The following GALNT15 variants were observed in gnomAD, a reference collection of about 807,000 sequenced individuals.
GALNT15 encodes the protein polypeptide N-acetylgalactosaminyltransferase 15.
In GALNT15, 67 loss-of-function variants were observed where a neutral mutation model predicts 66.8. The observed-to-expected ratio is 1.00, with a 90% CI of 0.82 to 1.23. The LOEUF (loss-of-function observed/expected upper bound fraction) is 1.23. GALNT15 is among the 50% of genes most tolerant of loss of function. GALNT15 has a pLI of 0.00. For missense variants in GALNT15, 827 were observed against 804.3 expected, an observed-to-expected ratio of 1.03 and a Z score of -0.34; for synonymous variants, 313 against 311.5, an observed-to-expected ratio of 1.00 and a Z score of -0.05.
At position 16,188,119 on chromosome 3, in the gene GALNT15, C is replaced by T. The variant is rs1164710118; in HGVS notation, c.540-7641C>T. ...TCCAGGGCATGTGGCACATCTAGCACATCTAGCCTCACGCTCTTCCCCCCA... is the reference window on the plus strand; with the variant it reads ...TCCAGGGCATGTGGCACATCTAGCATATCTAGCCTCACGCTCTTCCCCCCA... On this transcript the variant is annotated intron_variant, in intron 1 of 9. Coordinates refer to ENST00000339732, the MANE Select transcript of GALNT15 (RefSeq NM_054110.5). This position sits in a 1 kb window ranked among gnomAD's most constrained non-coding sequence, Gnocchi z 4.6. Among the ~76,000 whole-genome samples the T allele has an allele frequency of 2.0e-5, 3 of 152,142 alleles. No individual in the cohort carries two copies. Among genetic ancestry groups the T allele is most frequent in the Non-Finnish European group, 4.4e-5 (3 of 68,020 alleles).
the GALNT15 span, among the ~76,000 whole-genome samples, chr3:16,242,891 G>A: frequency 1.3e-5 from 2 of 152,200 alleles, no homozygotes; most frequent in Non-Finnish European, 2.9e-5. This position sits in a 1 kb window ranked among gnomAD's most constrained non-coding sequence, Gnocchi z 5.6. Context: ...GCAAGGCCTT[G>A]GATGCAGGTG....
chr3:16,200,641 C>T lies in GALNT15; in HGVS notation c.729C>T (p.Ser243=), dbSNP rs764567497. 1.1e-5 allele frequency: 18 copies of T among 1,574,664 alleles called. No individual in the cohort carries two copies. Among genetic ancestry groups the T allele is most frequent in the South Asian group, 2.4e-5 (2 of 84,242 alleles). The change falls in exon 3 of 10, where the codon AGC becomes AGT. Residue 243 remains serine, a synonymous_variant. Coordinates refer to ENST00000339732, the MANE Select transcript of GALNT15 (RefSeq NM_054110.5). The surrounding 1 kb of genome is among the most constrained non-coding windows in gnomAD (Gnocchi z 4.4). ...SQQGQLKSAL[S]EYVARLEGVK... ...CAGGACAACTCAAGTCTGCTCTCAG[C>T]GAATATGTGGCCAGGCTGGAGGGGG... is the stretch of plus-strand genomic sequence containing the variant.
chr3:16,235,773 A>C (rs2124917721), downstream of GALNT15, among the ~76,000 whole-genome samples: 1 of 152,274 alleles, frequency 6.6e-6, no homozygotes, highest in East Asian at 1.9e-4. Context: ...ACAAAGAGGA[A>C]AAGAGCAGCC....
chr3:16,186,290 A>C lies in GALNT15; in HGVS notation c.540-9470A>C, dbSNP rs547673480. On this transcript the variant is annotated intron_variant, in intron 1 of 9. Transcript: ENST00000339732. This position sits in a 1 kb window ranked among gnomAD's most constrained non-coding sequence, Gnocchi z 5.1. ...GGATGGCTGAAGTAAAAGACAGTGC[A>C]AGTGCTGACAAGGATGTGGAGAAAT... Among the ~76,000 whole-genome samples the C allele has an allele frequency of 3.9e-5, 6 of 152,344 alleles. No homozygotes were observed. The highest frequency in any genetic ancestry group is 2.1e-4 in the South Asian group (1 of 4,826).
At chr3:16,238,877 G>C in the GALNT15 span, among the ~76,000 whole-genome samples, 1 of 152,278 alleles carries the variant, frequency 6.6e-6, no homozygotes, top group Admixed American at 6.5e-5. The surrounding 1 kb of genome is among the most constrained non-coding windows in gnomAD (Gnocchi z 4.8). Flanking sequence ...CAACTCCCAG[G>C]GGCTTAAGAA....
downstream of GALNT15, among the ~76,000 whole-genome samples, chr3:16,235,166 A>C (rs1479843275): frequency 6.6e-6 from 1 of 152,030 alleles, no homozygotes; most frequent in Non-Finnish European, 1.5e-5. Flanking sequence ...CTCATGATCC[A>C]CCTGCCTTGG....
intron 3 of GALNT15, among the ~76,000 whole-genome samples, chr3:16,206,635 T>C (rs1359854546): frequency 7.6e-6 from 1 of 132,328 alleles, no homozygotes; most frequent in Non-Finnish European, 1.5e-5. Context: ...ATCACGCCAC[T>C]GCCCTCCAGC....
At chr3:16,220,900 T>A (rs145185372) in intron 8 of GALNT15, among the ~76,000 whole-genome samples, 3 of 152,292 alleles carry the variant, frequency 2.0e-5, no homozygotes, top group Non-Finnish European at 4.4e-5. Flanking sequence ...CCATCCGGCC[T>A]CCTTTGGCTC....
In GALNT15 at chr3:16,204,967, G is replaced by T. The variant is rs985500426; in HGVS notation, c.912-3536G>T. 6.6e-6 allele frequency among the ~76,000 whole-genome samples: 1 copy of T among 152,204 alleles called. No individual in the cohort carries two copies. Among genetic ancestry groups the T allele is most frequent in the Non-Finnish European group, 1.5e-5 (1 of 68,020 alleles). Reference sequence around the variant, plus strand: ...CATGTGCGTGCGTGTGTGTGTGCGCGCGCATGTGCGCGTCAAGGAGCAGCA... The same window carrying T: ...CATGTGCGTGCGTGTGTGTGTGCGCTCGCATGTGCGCGTCAAGGAGCAGCA... On this transcript the variant is annotated intron_variant, in intron 3 of 9. Coordinates refer to ENST00000339732, the MANE Select transcript of GALNT15 (RefSeq NM_054110.5). This position sits in a 1 kb window ranked among gnomAD's most constrained non-coding sequence, Gnocchi z 4.5.
chr3:16,228,401 G>A lies in GALNT15; in HGVS notation c.*901G>A. ...CATGCCTGTAATTCCAGCACTTTGG[G>A]AGGCAGAGTTGGGAGGATCACCTGA... On this transcript the variant is annotated 3_prime_UTR_variant, in exon 10 of 10. Transcript: ENST00000339732. The A allele has an allele frequency of 1.1e-6, 1 of 929,976 alleles. No individual in the cohort carries two copies. Among genetic ancestry groups the A allele is most frequent in the Non-Finnish European group, 1.3e-6 (1 of 779,214 alleles). The allele number at this position is 929,976 out of a possible 1,614,324, so 57.6% of individuals were successfully genotyped here. A position where few individuals can be genotyped will look rare whatever the true frequency, so the allele number is the denominator to read the frequency against.
Position 16,219,884 on chromosome 3 carries a change from A to C in GALNT15, c.1525-26A>C. The stretch of plus-strand genomic sequence containing the variant: ...GTCTTTACAGTGGAATCTGGAATTC[A>C]CTCCTGTGTGTGTGTCCACTTTCAG... On this transcript the variant is annotated intron_variant, in intron 7 of 9. Coordinates refer to ENST00000339732, the MANE Select transcript of GALNT15 (RefSeq NM_054110.5). The surrounding 1 kb of genome is among the most constrained non-coding windows in gnomAD (Gnocchi z 4.3). 1 of 1,576,000 alleles carries C rather than the reference A, an allele frequency of 6.3e-7. No individual in the cohort carries two copies. The highest frequency in any genetic ancestry group is 1.1e-5 in the South Asian group (1 of 90,024).
At chr3:16,207,836 A>AG (rs1468492144) in intron 3 of GALNT15, among the ~76,000 whole-genome samples, 4 of 152,202 alleles carry the variant, frequency 2.6e-5, no homozygotes. Flanking sequence ...TGAATCTCAA[A>AG]GGGATCAAGC....
At chr3:16,207,031 T>C (rs2124880123) in intron 3 of GALNT15, among the ~76,000 whole-genome samples, 1 of 152,344 alleles carries the variant, frequency 6.6e-6, no homozygotes, top group South Asian at 2.1e-4. Flanking sequence ...AGAGGGATTA[T>C]GTTCCCTTTG....
At position 16,211,424 on chromosome 3, in the gene GALNT15, G is replaced by A. The variant is rs775047396; in HGVS notation, c.1197+183G>A. Among the ~76,000 whole-genome samples, 1 of 152,164 alleles carries A rather than the reference G, an allele frequency of 6.6e-6. No homozygotes were observed. Among genetic ancestry groups the A allele is most frequent in the Non-Finnish European group, 1.5e-5 (1 of 68,028 alleles). On this transcript the variant is annotated intron_variant, in intron 5 of 9. Coordinates refer to ENST00000339732, the MANE Select transcript of GALNT15 (RefSeq NM_054110.5). The surrounding 1 kb of genome is among the most constrained non-coding windows in gnomAD (Gnocchi z 4.3). ...CACAGTTTCCCATCTCTCCTGTGCT[G>A]TAGCTTGGTTTCACTCTCAGTGCCT...
chr3:16,242,946 G>A, the GALNT15 span, among the ~76,000 whole-genome samples: 1 of 152,132 alleles, frequency 6.6e-6, no homozygotes, highest in Non-Finnish European at 1.5e-5. This position sits in a 1 kb window ranked among gnomAD's most constrained non-coding sequence, Gnocchi z 5.6. Flanking sequence ...GAGAGAGAGG[G>A]AAGAGTAAGA....
intron 3 of GALNT15, among the ~76,000 whole-genome samples, chr3:16,202,588 G>C (rs1343685897): frequency 6.6e-6 from 1 of 152,234 alleles, no homozygotes; most frequent in Admixed American, 6.5e-5. Flanking sequence ...AGCCAAGATC[G>C]TGCTACTGCA....
chr3:16,229,236 G>A lies in GALNT15; in HGVS notation c.*1736G>A. The A allele has an allele frequency of 1.0e-6, 1 of 985,286 alleles. No individual in the cohort carries two copies. 61.0% of individuals were successfully genotyped at this position (985,286 alleles called of 1,614,324 possible). A position where few individuals can be genotyped will look rare whatever the true frequency, so the allele number is the denominator to read the frequency against. On this transcript the variant is annotated 3_prime_UTR_variant, in exon 10 of 10. Transcript: ENST00000339732. ...CTACCTGCTAAGTCAAGGGTTCACT[G>A]CATTTCTCCTTCCTCAGAATACACT...
intron 6 of GALNT15, among the ~76,000 whole-genome samples, chr3:16,218,878 G>A (rs1033624750): frequency 1.7e-4 from 23 of 135,578 alleles, no homozygotes; most frequent in African/African-American, 5.4e-4. Context: ...ACAGTAACAC[G>A]ATCTTGGCTC....
At chr3:16,235,646 A>G (rs1337132176), downstream of GALNT15, among the ~76,000 whole-genome samples, 2 of 152,196 alleles carry the variant, frequency 1.3e-5, no homozygotes, top group Admixed American at 6.5e-5. Context: ...CTAGTCCTCA[A>G]TATAAAGTTA....
Sources: gnomAD v4.1 joint callset for allele counts (sites outside exome capture counted in the v4.1 genomes callset) on GRCh38, gnomAD v4.1.1 for gene constraint, Gnocchi (gnomAD v3.1) non-coding constraint, MANE v1.5 for transcripts, NCBI Gene and HGNC (gene_info 2026-07-23, HGNC 2026-07-21) for gene names.